Variants in PDE8A observed in about 807,000 individuals in gnomAD.
The protein encoded by PDE8A is high affinity cAMP-specific and IBMX-insensitive 3',5'-cyclic phosphodiesterase 8A.
A neutral mutation model predicts 105.0 loss-of-function variants in PDE8A; 59 were observed. The observed-to-expected ratio is 0.56, with a 90% CI of 0.46 to 0.70. The LOEUF (loss-of-function observed/expected upper bound fraction) is 0.70, where lower values mean the gene tolerates loss of function less well. PDE8A is among the 30% of genes least tolerant of loss of function. The pLI is 0.00. For missense variants in PDE8A, 1,014 were observed against 1,045.9 expected, an observed-to-expected ratio of 0.97 and a Z score of 0.42; for synonymous variants, 355 against 371.9, an observed-to-expected ratio of 0.95 and a Z score of 0.52.
chr15:85,136,258 A>C (rs978412544), intron 20 of PDE8A, among the ~76,000 whole-genome samples: 13 of 152,180 alleles, frequency 8.5e-5, no homozygotes, highest in Admixed American at 5.2e-4. Flanking sequence ...AATGTTTGGG[A>C]TCTTACCTGA....
At chr15:85,092,338 G>T (rs937921436) in intron 8 of PDE8A, among the ~76,000 whole-genome samples, 91 of 145,210 alleles carry the variant, frequency 6.3e-4, no homozygotes, top group Non-Finnish European at 1.0e-3. Context: ...GTTTTTTTTT[G>T]TTTTGTTTCG....
At chr15:85,045,202 T>G (rs1180104724) in intron 1 of PDE8A, among the ~76,000 whole-genome samples, 1 of 152,192 alleles carries the variant, frequency 6.6e-6, no homozygotes, top group Non-Finnish European at 1.5e-5. Context: ...ATCACATCTT[T>G]CCCTGTTGTT....
chr15:85,004,284 C>A (rs1162376645), intron 1 of PDE8A, among the ~76,000 whole-genome samples: 2 of 152,114 alleles, frequency 1.3e-5, no homozygotes. Flanking sequence ...TTTATTGGTT[C>A]AGTAATAGAT....
intron 5 of PDE8A, among the ~76,000 whole-genome samples, chr15:85,078,989 A>C (rs2081423116): frequency 6.6e-6 from 1 of 152,200 alleles, no homozygotes; most frequent in Admixed American, 6.5e-5. Context: ...CTAACCATAT[A>C]AGAAATGAAC....
chr15:85,114,437 A>C (rs2082064640), intron 14 of PDE8A, among the ~76,000 whole-genome samples: 1 of 152,206 alleles, frequency 6.6e-6, no homozygotes, highest in African/African-American at 2.4e-5. Flanking sequence ...CCGGGGGTGC[A>C]ACAGTTTGGC....
At chr15:85,079,400 G>A (rs953527217) in intron 5 of PDE8A, among the ~76,000 whole-genome samples, 3 of 152,102 alleles carry the variant, frequency 2.0e-5, no homozygotes, top group African/African-American at 7.2e-5. Flanking sequence ...TTATTCTGGG[G>A]GTAATTGGTA....
At chr15:85,080,738 A>G (rs1271049093) in intron 5 of PDE8A, among the ~76,000 whole-genome samples, 1 of 152,210 alleles carries the variant, frequency 6.6e-6, no homozygotes, top group Non-Finnish European at 1.5e-5. Flanking sequence ...CTGTGTTATC[A>G]TGGAGCTAAC....
At chr15:85,001,252 A>G (rs1210235708) in intron 1 of PDE8A, among the ~76,000 whole-genome samples, 1 of 152,178 alleles carries the variant, frequency 6.6e-6, no homozygotes, top group African/African-American at 2.4e-5. Flanking sequence ...TAATCAGTGT[A>G]ATTAACCAAA....
chr15:85,095,967 C>G (rs1414486657), intron 8 of PDE8A, among the ~76,000 whole-genome samples: 1 of 151,586 alleles, frequency 6.6e-6, no homozygotes, highest in Non-Finnish European at 1.5e-5. Flanking sequence ...CCTCTGCCTC[C>G]TAGGTTCAAG....
At chr15:85,098,258 A>C (rs1423845718) in intron 9 of PDE8A, among the ~76,000 whole-genome samples, 1 of 152,218 alleles carries the variant, frequency 6.6e-6, no homozygotes, top group Non-Finnish European at 1.5e-5. Context: ...AGTCTTGTTT[A>C]AGCTGCGTGG....
intron 1 of PDE8A, among the ~76,000 whole-genome samples, chr15:84,984,775 C>A (rs1438802010): frequency 6.6e-6 from 1 of 152,168 alleles, no homozygotes; most frequent in Non-Finnish European, 1.5e-5. Context: ...GGTTGAATAT[C>A]CCTAATCAGA....
intron 20 of PDE8A, among the ~76,000 whole-genome samples, chr15:85,129,404 A>G (rs775603973): frequency 2.6e-5 from 4 of 152,178 alleles, no homozygotes; most frequent in Admixed American, 6.5e-5. Context: ...TACTGATTCA[A>G]TCTCCTTGCT....
chr15:85,037,953 C>T (rs138118110), intron 1 of PDE8A, among the ~76,000 whole-genome samples: 1 of 152,318 alleles, frequency 6.6e-6, no homozygotes, highest in East Asian at 1.9e-4. Flanking sequence ...ATTGTAGATG[C>T]AAACACTTCT....
chr15:85,117,209 A>G (rs2082109921), intron 16 of PDE8A, among the ~76,000 whole-genome samples: 2 of 152,220 alleles, frequency 1.3e-5, no homozygotes, highest in African/African-American at 2.4e-5. Context: ...TTTTCAGGAA[A>G]TGTTTTCTTA....
At chr15:84,986,159 C>T (rs1277941907) in intron 1 of PDE8A, among the ~76,000 whole-genome samples, 1 of 152,144 alleles carries the variant, frequency 6.6e-6, no homozygotes, top group Non-Finnish European at 1.5e-5. Flanking sequence ...GTAAGAAGTT[C>T]AAGGTTGCTG....
intron 5 of PDE8A, among the ~76,000 whole-genome samples, chr15:85,078,125 G>A: frequency 7.2e-6 from 1 of 138,350 alleles, no homozygotes. Context: ...TTTAAAAGAG[G>A]ACACATCCTA....
chr15:85,013,667 C>G (rs1455743986), intron 1 of PDE8A, among the ~76,000 whole-genome samples: 1 of 152,166 alleles, frequency 6.6e-6, no homozygotes, highest in Non-Finnish European at 1.5e-5. Context: ...AGTTTACTGG[C>G]TTAAAACAGT....
At chr15:85,114,492 G>A (rs2082065635) in intron 14 of PDE8A, among the ~76,000 whole-genome samples, 1 of 152,202 alleles carries the variant, frequency 6.6e-6, no homozygotes, top group South Asian at 2.1e-4. Flanking sequence ...AGGAAAGAGG[G>A]ATTTGGGAAT....
At chr15:85,056,873 C>T (rs1001959338) in intron 1 of PDE8A, among the ~76,000 whole-genome samples, 1 of 152,222 alleles carries the variant, frequency 6.6e-6, no homozygotes, top group African/African-American at 2.4e-5. Flanking sequence ...AGCTGCGTTC[C>T]TTTGGAGGAG....
Sources: allele counts gnomAD v4.1 joint callset (sites outside exome capture counted in the v4.1 genomes callset), GRCh38; gene constraint gnomAD v4.1.1; transcripts MANE v1.5; gene names NCBI Gene and HGNC (gene_info 2026-07-23, HGNC 2026-07-21).